Variants in PLA2G4C observed in about 807,000 individuals in gnomAD.
PLA2G4C encodes the protein phospholipase A2 group IVC.
PLA2G4C carries 64 observed loss-of-function variants against 73.8 expected under a neutral mutation model. The ratio of observed to expected loss-of-function variants is 0.87; its 90% CI spans 0.71 to 1.07. The LOEUF is 1.07. Among genes scored for constraint, PLA2G4C ranks in the 50% least tolerant of loss-of-function variants. The pLI, the probability that PLA2G4C is intolerant of heterozygous loss-of-function variation, is 0.00. For missense variants in PLA2G4C, 622 were observed against 665.4 expected, an observed-to-expected ratio of 0.93 and a Z score of 0.72; for synonymous variants, 254 against 252.1, an observed-to-expected ratio of 1.01 and a Z score of -0.07.
intron 12 of PLA2G4C, among the ~76,000 whole-genome samples, chr19:48,073,533 G>A (rs776818824): frequency 1.3e-5 from 2 of 151,872 alleles, no homozygotes; most frequent in Non-Finnish European, 2.9e-5. Context: ...AATGACTCAA[G>A]ACATCCTAGA....
In PLA2G4C at chr19:48,099,887, T is replaced by G. The variant is rs11564531; in HGVS notation, c.258-27A>C. ...TGGAGGACAGAGGAAGAGAGTGAGT[T>G]GGGCATTTTAAGTGTGGACGATGAA... is the stretch of plus-strand genomic sequence containing the variant. On this transcript the variant is annotated intron_variant, in intron 4 of 16. Coordinates refer to ENST00000599921, the MANE Select transcript of PLA2G4C (RefSeq NM_003706.3). The G allele has an allele frequency of 8.5e-4, 1,321 of 1,552,782 alleles. 15 individuals are homozygous for G. The African/African-American group carries it at 0.016, about 19-fold the overall frequency.
Position 48,110,531 on chromosome 19 carries a change from T to TGCTCCGGAATCCAGTGCGGAGGCTTGG in PLA2G4C, c.-78_-77insCCAAGCCTCCGCACTGGATTCCGGAGC. The stretch of plus-strand genomic sequence containing the variant: ...GTGTGCGCATGCGCGGTGGAGCTTG[T>TGCTCCGGAATCCAGTGCGGAGGCTTGG]GCTCCGGAATCCGGTGCGGAGGCTT... On this transcript the variant is annotated 5_prime_UTR_variant, in exon 1 of 17. Transcript: ENST00000599921. The TGCTCCGGAATCCAGTGCGGAGGCTTGG allele has an allele frequency of 1.4e-6, 2 of 1,386,158 alleles. No individual in the cohort carries two copies. The highest frequency in any genetic ancestry group is 1.9e-6 in the Non-Finnish European group (2 of 1,049,482). The allele number at this position is 1,386,158 out of a possible 1,614,324, so 85.9% of individuals were successfully genotyped here.
At chr19:48,105,082 C>CAAAAA (rs3083068) in intron 3 of PLA2G4C, among the ~76,000 whole-genome samples, 31 of 87,376 alleles carry the variant, frequency 3.5e-4, no homozygotes, top group East Asian at 7.1e-4. Flanking sequence ...GACGTTGTCT[C>CAAAAA]AAAAAAAAAA....
In PLA2G4C at chr19:48,110,537, G is replaced by GGAATCCGGTGCGGAGGCTTGGGCTCCA; in HGVS notation, c.-84_-83insTGGAGCCCAAGCCTCCGCACCGGATTC. The GGAATCCGGTGCGGAGGCTTGGGCTCCA allele has an allele frequency of 3.3e-6, 5 of 1,532,452 alleles. 2 individuals carry two copies. Among genetic ancestry groups the GGAATCCGGTGCGGAGGCTTGGGCTCCA allele is most frequent in the Non-Finnish European group, 4.4e-6 (5 of 1,142,404 alleles). The allele number at this position is 1,532,452 out of a possible 1,614,324, so 94.9% of individuals were successfully genotyped here. The stretch of plus-strand genomic sequence containing the variant: ...GCATGCGCGGTGGAGCTTGTGCTCC[G>GGAATCCGGTGCGGAGGCTTGGGCTCCA]GAATCCGGTGCGGAGGCTTGGGCTC... On this transcript the variant is annotated 5_prime_UTR_variant, in exon 1 of 17. Transcript: ENST00000599921.
intron 13 of PLA2G4C, among the ~76,000 whole-genome samples, chr19:48,064,536 A>G (rs1968338255): frequency 6.6e-6 from 1 of 151,988 alleles, no homozygotes; most frequent in Non-Finnish European, 1.5e-5. Context: ...ATATCAGGAT[A>G]TCAGGACATT....
intron 4 of PLA2G4C, 72 bp downstream of exon 4, chr19:48,104,516 T>G: frequency 6.8e-7 from 1 of 1,460,806 alleles, no homozygotes; most frequent in Non-Finnish European, 9.5e-7. Flanking sequence ...ACCACACACA[T>G]TTGGTGTCAG....
At chr19:48,094,810 C>T (rs1172702353) in intron 7 of PLA2G4C, among the ~76,000 whole-genome samples, 1 of 151,996 alleles carries the variant, frequency 6.6e-6, no homozygotes, top group African/African-American at 2.4e-5. Flanking sequence ...TCTGGAAATA[C>T]CCCATTTAAA....
intron 7 of PLA2G4C, among the ~76,000 whole-genome samples, chr19:48,091,484 A>T (rs447271): frequency 6.6e-6 from 1 of 152,076 alleles, no homozygotes; most frequent in East Asian, 1.9e-4. Context: ...CACGGTGCTC[A>T]GTCTGTCTTT....
At chr19:48,093,357 C>G (rs2031407292) in intron 7 of PLA2G4C, among the ~76,000 whole-genome samples, 1 of 152,186 alleles carries the variant, frequency 6.6e-6, no homozygotes, top group Non-Finnish European at 1.5e-5. Flanking sequence ...CCTCCCATAT[C>G]CATTCTGGTA....
intron 7 of PLA2G4C, among the ~76,000 whole-genome samples, chr19:48,092,058 CAA>C (rs201599182): frequency 8.2e-6 from 1 of 122,620 alleles, no homozygotes; most frequent in Non-Finnish European, 1.7e-5. Context: ...GGTCGTTCCT[CAA>C]AAAAAAAATT....
At chr19:48,071,210 G>A (rs530381508) in intron 12 of PLA2G4C, among the ~76,000 whole-genome samples, 19 of 152,252 alleles carry the variant, frequency 1.2e-4, no homozygotes, top group African/African-American at 4.3e-4. Context: ...CAGCAGAAAA[G>A]CAAATCACAC....
intron 14 of PLA2G4C, among the ~76,000 whole-genome samples, chr19:48,055,323 G>T (rs549038955): frequency 6.6e-6 from 1 of 150,568 alleles, no homozygotes; most frequent in East Asian, 1.9e-4. Flanking sequence ...CAAGGAAAAT[G>T]GTGCCTAGAT....
chr19:48,052,977 G>C lies in PLA2G4C; in HGVS notation c.1580+20C>G. 1 of 1,593,318 alleles carries C rather than the reference G, an allele frequency of 6.3e-7. No individual in the cohort carries two copies. Among genetic ancestry groups the C allele is most frequent in the Non-Finnish European group, 8.6e-7 (1 of 1,164,460 alleles). On this transcript the variant is annotated intron_variant, in intron 16 of 16. Coordinates refer to ENST00000599921, the MANE Select transcript of PLA2G4C (RefSeq NM_003706.3). ...ACTGAACGAGCATAGGCATCAGAGC[G>C]ACTATGGTCTCCCACCTACCCGGCC...
chr19:48,067,173 GT>G (rs71181638), intron 13 of PLA2G4C, among the ~76,000 whole-genome samples: 28,944 of 144,832 alleles, frequency 0.2, 4,559 homozygotes, highest in African/African-American at 0.45. Context: ...AATGTGTGTT[GT>G]TTTTTTTTTT....
intron 12 of PLA2G4C, among the ~76,000 whole-genome samples, chr19:48,073,783 A>T (rs2122545156): frequency 6.6e-6 from 1 of 152,028 alleles, no homozygotes; most frequent in East Asian, 1.9e-4. Flanking sequence ...GAGCAGGAGC[A>T]AGAGAGCGAG....
intron 9 of PLA2G4C, among the ~76,000 whole-genome samples, chr19:48,087,381 A>G (rs1342891343): frequency 3.3e-5 from 5 of 152,160 alleles, no homozygotes; most frequent in Admixed American, 3.3e-4. Flanking sequence ...CAGCATGGGT[A>G]CAACTATAGA....
intron 1 of PLA2G4C, among the ~76,000 whole-genome samples, chr19:48,110,130 G>T (rs2032416800): frequency 6.6e-6 from 1 of 150,996 alleles, no homozygotes; most frequent in South Asian, 2.1e-4. Context: ...GGTGGATCAC[G>T]AGTTCAGGAG....
At chr19:48,057,824 C>T (rs1268921046) in intron 14 of PLA2G4C, among the ~76,000 whole-genome samples, 6 of 150,230 alleles carry the variant, frequency 4.0e-5, no homozygotes, top group Non-Finnish European at 5.9e-5. Flanking sequence ...ATATTTGAGT[C>T]TAACAGTTTT....
rs184409567 is a variant in PLA2G4C at position 48,084,832 on chromosome 19, T to C, written c.844+227A>G. On this transcript the variant is annotated intron_variant, in intron 10 of 16. Transcript: ENST00000599921. ...CTTTTCAGAGGTCACAAAGCTCACA[T>C]GTACCACAGCAACATTCCTTCCAAG... is the stretch of plus-strand genomic sequence containing the variant. 2.7e-3 allele frequency among the ~76,000 whole-genome samples: 411 copies of C among 152,338 alleles called. 12 individuals are homozygous for C. The highest frequency in any genetic ancestry group is 7.6e-4 in the Non-Finnish European group (52 of 68,030).
Sources: allele counts gnomAD v4.1 joint callset (sites outside exome capture counted in the v4.1 genomes callset), GRCh38; gene constraint gnomAD v4.1.1; transcripts MANE v1.5; gene names NCBI Gene and HGNC (gene_info 2026-07-23, HGNC 2026-07-21).